The following MEF2A variants were observed in gnomAD, a reference collection of about 807,000 sequenced individuals.
MEF2A encodes myocyte-specific enhancer factor 2A.
A neutral mutation model predicts 55.8 loss-of-function variants in MEF2A; 28 were observed. The observed-to-expected ratio is 0.50, with a 90% confidence interval of 0.37 to 0.69. The LOEUF is 0.69. MEF2A is among the 30% of genes least tolerant of loss of function. The probability of loss-of-function intolerance (pLI) is 0.00; values close to 1 mark genes in which losing one functional copy is unlikely to be tolerated. For missense variants in MEF2A, 528 were observed against 626.2 expected, an observed-to-expected ratio of 0.84 and a Z score of 1.67; for synonymous variants, 239 against 227.1, an observed-to-expected ratio of 1.05 and a Z score of -0.47.
chr15:99,612,723 A>G (rs1334037113), intron 2 of MEF2A, among the ~76,000 whole-genome samples: 1 of 152,170 alleles, frequency 6.6e-6, no homozygotes, highest in Non-Finnish European at 1.5e-5. Context: ...TAAATAAAGG[A>G]AAACAGTGGT....
chr15:99,574,066 C>T (rs1399759628), intron 1 of MEF2A, among the ~76,000 whole-genome samples: 6 of 150,966 alleles, frequency 4.0e-5, no homozygotes, highest in Admixed American at 6.6e-5. Flanking sequence ...AAATTTATTT[C>T]GGAAAAAAAT....
intron 1 of MEF2A, among the ~76,000 whole-genome samples, chr15:99,583,765 C>T (rs1966586238): frequency 6.6e-6 from 1 of 152,074 alleles, no homozygotes; most frequent in Non-Finnish European, 1.5e-5. Flanking sequence ...AATGTGGAAA[C>T]TTTCAGTATG....
rs957636121 is a variant in MEF2A, at chr15:99,598,444, GA to G, written c.-204del. ...TCTTTTTTAAGGAATTGCATTTTGT[GA>G]AAAAAGAACAAGAATTTTCTGCAAG... is the stretch of plus-strand genomic sequence containing the variant. On this transcript the variant is annotated 5_prime_UTR_variant, in exon 2 of 12. Transcript: ENST00000557942. The G allele has an allele frequency of 2.0e-5, 3 of 151,966 alleles. No individual in the cohort carries two copies. Among genetic ancestry groups the G allele is most frequent in the African/African-American group, 4.8e-5 (2 of 41,396 alleles). 9.4% of individuals were successfully genotyped at this position (151,966 alleles called of 1,614,324 possible).
rs542563835 is a variant in MEF2A, at chr15:99,645,804, T to G, written c.258+40T>G. Reference sequence around the variant, plus strand: ...GTAATACGTGAATTGCAAGTAATACTGAAATATTTTGTTTAATAGCATTAA... The same window carrying G: ...GTAATACGTGAATTGCAAGTAATACGGAAATATTTTGTTTAATAGCATTAA... On this transcript the variant is annotated intron_variant, in intron 4 of 11. Coordinates refer to ENST00000557942, the MANE Select transcript of MEF2A (RefSeq NM_001319206.4). The G allele has an allele frequency of 2.9e-5, 40 of 1,401,180 alleles. No homozygotes were observed. In the Admixed American group the frequency reaches 6.3e-4, roughly 22 times the overall value. The allele number at this position is 1,401,180 out of a possible 1,614,324, so 86.8% of individuals were successfully genotyped here.
intron 1 of MEF2A, among the ~76,000 whole-genome samples, chr15:99,567,968 C>A (rs1050624683): frequency 1.3e-5 from 2 of 152,132 alleles, no homozygotes; most frequent in Admixed American, 6.5e-5. Flanking sequence ...TTTGTAGACT[C>A]TAGATTAACA....
intron 7 of MEF2A, among the ~76,000 whole-genome samples, chr15:99,675,714 A>G (rs1046521642): frequency 2.6e-5 from 4 of 152,212 alleles, no homozygotes; most frequent in African/African-American, 4.8e-5. Context: ...TGGTGGGTCT[A>G]TCTACTTCTA....
intron 4 of MEF2A, among the ~76,000 whole-genome samples, chr15:99,659,865 A>G (rs2048346324): frequency 6.6e-6 from 1 of 152,236 alleles, no homozygotes; most frequent in African/African-American, 2.4e-5. Context: ...TTCAAGAAAA[A>G]TATAATTTAA....
chr15:99,623,650 T>C (rs2041602285), intron 2 of MEF2A, among the ~76,000 whole-genome samples: 1 of 152,238 alleles, frequency 6.6e-6, no homozygotes, highest in African/African-American at 2.4e-5. Context: ...ATTAGTGATG[T>C]TGAGCATCTT....
chr15:99,682,894 G>T (rs1035164586), intron 7 of MEF2A, among the ~76,000 whole-genome samples: 1 of 152,160 alleles, frequency 6.6e-6, no homozygotes, highest in South Asian at 2.1e-4. Flanking sequence ...AAGTAAAGAA[G>T]AATCTTCTAA....
chr15:99,679,551 A>G (rs1336955558), intron 7 of MEF2A, among the ~76,000 whole-genome samples: 1 of 152,006 alleles, frequency 6.6e-6, no homozygotes, highest in African/African-American at 2.4e-5. Context: ...TGGCAGAGCC[A>G]TAAAGAAAAA....
intron 2 of MEF2A, among the ~76,000 whole-genome samples, chr15:99,623,000 C>T (rs1037687419): frequency 1.3e-5 from 2 of 152,154 alleles, no homozygotes; most frequent in African/African-American, 4.8e-5. Flanking sequence ...ACGCCCGGCC[C>T]GGATGTTTTC....
chr15:99,623,922 C>G (rs1338559234), intron 2 of MEF2A, among the ~76,000 whole-genome samples: 1 of 151,964 alleles, frequency 6.6e-6, no homozygotes, highest in Non-Finnish European at 1.5e-5. Context: ...ATTCTACTGC[C>G]TCAGCCTCCC....
At chr15:99,585,810 A>G (rs1967031333) in intron 1 of MEF2A, among the ~76,000 whole-genome samples, 1 of 152,228 alleles carries the variant, frequency 6.6e-6, no homozygotes, top group Non-Finnish European at 1.5e-5. Context: ...AACTTTGTGA[A>G]ATCACAAAAA....
intron 4 of MEF2A, among the ~76,000 whole-genome samples, chr15:99,654,020 G>A (rs142050598): frequency 1.0e-3 from 155 of 151,818 alleles, no homozygotes; most frequent in African/African-American, 3.3e-3. Context: ...CTTTTTTTGC[G>A]CCACCCACGT....
intron 2 of MEF2A, among the ~76,000 whole-genome samples, chr15:99,631,709 A>G (rs1009257617): frequency 3.3e-5 from 5 of 151,328 alleles, no homozygotes; most frequent in Admixed American, 2.0e-4. Flanking sequence ...AAGTACATTT[A>G]TTAGAAGTAG....
chr15:99,573,780 A>G (rs896196974), intron 1 of MEF2A, among the ~76,000 whole-genome samples: 4 of 152,240 alleles, frequency 2.6e-5, no homozygotes, highest in South Asian at 4.1e-4. Flanking sequence ...CCCAGTCACC[A>G]TTTGTAATAG....
chr15:99,683,095 G>A (rs952712533), intron 7 of MEF2A, among the ~76,000 whole-genome samples: 7 of 152,128 alleles, frequency 4.6e-5, no homozygotes, highest in African/African-American at 1.7e-4. Flanking sequence ...AGTCATATAT[G>A]ATCTCTACTC....
intron 2 of MEF2A, among the ~76,000 whole-genome samples, chr15:99,630,019 T>TCCCCTCTTTCTTTCCTTCTCCCC (rs2042699310): frequency 8.5e-6 from 1 of 117,020 alleles, no homozygotes; most frequent in African/African-American, 3.3e-5. Flanking sequence ...CTCTTCTCCC[T>TCCCCTCTTTCTTTCCTTCTCCCC]CCCCTCTTTC....
chr15:99,593,436 G>A (rs567596930), intron 1 of MEF2A, among the ~76,000 whole-genome samples: 1 of 152,088 alleles, frequency 6.6e-6, no homozygotes, highest in African/African-American at 2.4e-5. Context: ...GAGCATGTCC[G>A]ATACCAGTTA....
Sources: allele counts gnomAD v4.1 joint callset (sites outside exome capture counted in the v4.1 genomes callset), GRCh38; gene constraint gnomAD v4.1.1; transcripts MANE v1.5; gene names NCBI Gene and HGNC (gene_info 2026-07-23, HGNC 2026-07-21).